The following COBLL1 variants were observed in gnomAD, a reference collection of about 807,000 sequenced individuals.
The protein encoded by COBLL1 is cordon-bleu WH2 repeat protein like 1.
A neutral mutation model predicts 94.8 loss-of-function variants in COBLL1; 50 were observed. That is an observed-to-expected ratio of 0.53 (90% CI 0.42 to 0.67). COBLL1 has a LOEUF of 0.67. Among genes scored for constraint, COBLL1 ranks in the 30% least tolerant of loss-of-function variants. The pLI is 0.00. For missense variants in COBLL1, 1,362 were observed against 1,348.7 expected, an observed-to-expected ratio of 1.01 and a Z score of -0.15; for synonymous variants, 448 against 473.8, an observed-to-expected ratio of 0.95 and a Z score of 0.71.
At chr2:164,707,246 TTCTCA>T (rs910613578) in intron 7 of COBLL1, among the ~76,000 whole-genome samples, 9 of 152,154 alleles carry the variant, frequency 5.9e-5, no homozygotes, top group African/African-American at 2.2e-4. Flanking sequence ...GTTCAAGTGA[TTCTCA>T]TGCCTCAGCC....
chr2:164,799,297 G>T (rs1186341579), intron 2 of COBLL1, among the ~76,000 whole-genome samples: 2 of 152,180 alleles, frequency 1.3e-5, no homozygotes, highest in Non-Finnish European at 2.9e-5. Context: ...TGCACAGAGG[G>T]AGTTGCCCTT....
At position 164,684,569 on chromosome 2, in the gene COBLL1, C is replaced by A. The variant is rs1683191115; in HGVS notation, c.*1377G>T. ...GCCATGCCATGTATCAGGAACTATGCTAAACATTTTAAATGCTTAGACCAT... is the reference window on the plus strand; with the variant it reads ...GCCATGCCATGTATCAGGAACTATGATAAACATTTTAAATGCTTAGACCAT... On this transcript the variant is annotated 3_prime_UTR_variant, in exon 14 of 14. Transcript: ENST00000652658. 6.6e-6 allele frequency: 1 copy of A among 152,212 alleles called. No homozygotes were observed. Among genetic ancestry groups the A allele is most frequent in the East Asian group, 1.9e-4 (1 of 5,178 alleles). The allele number at this position is 152,212 out of a possible 1,614,324, so 9.4% of individuals were successfully genotyped here. A position where few individuals can be genotyped will look rare whatever the true frequency, so the allele number is the denominator to read the frequency against.
intron 2 of COBLL1, among the ~76,000 whole-genome samples, chr2:164,823,814 C>T (rs1366696081): frequency 1.3e-5 from 2 of 152,124 alleles, no homozygotes; most frequent in African/African-American, 4.8e-5. Flanking sequence ...TTGGTATCCT[C>T]ACTGCTGCAG....
At chr2:164,833,972 T>C (rs1334325679) in intron 2 of COBLL1, among the ~76,000 whole-genome samples, 1 of 152,204 alleles carries the variant, frequency 6.6e-6, no homozygotes, top group African/African-American at 2.4e-5. Context: ...ATGAAGTTTG[T>C]ATTCAAAACT....
chr2:164,692,011 C>T (rs1683626173), intron 13 of COBLL1, among the ~76,000 whole-genome samples: 1 of 152,096 alleles, frequency 6.6e-6, no homozygotes, highest in Admixed American at 6.6e-5. Flanking sequence ...TCATGTTCTG[C>T]AACTGGCCCA....
At chr2:164,736,346 C>T (rs113247990) in intron 3 of COBLL1, among the ~76,000 whole-genome samples, 28 of 152,058 alleles carry the variant, frequency 1.8e-4, no homozygotes, top group Admixed American at 5.9e-4. Context: ...ACCAGGTACA[C>T]GAAACAAATA....
At chr2:164,819,637 A>C (rs1685058761) in intron 2 of COBLL1, among the ~76,000 whole-genome samples, 1 of 152,174 alleles carries the variant, frequency 6.6e-6, no homozygotes, top group Non-Finnish European at 1.5e-5. Flanking sequence ...AGGGAAAGAA[A>C]CAATTGTTCA....
chr2:164,812,983 T>C (rs1010487954), intron 2 of COBLL1, among the ~76,000 whole-genome samples: 1 of 152,088 alleles, frequency 6.6e-6, no homozygotes, highest in East Asian at 1.9e-4. Flanking sequence ...CATTGATTCT[T>C]TTAAATAACA....
chr2:164,791,491 C>T (rs1159323064), intron 2 of COBLL1, among the ~76,000 whole-genome samples: 2 of 152,088 alleles, frequency 1.3e-5, no homozygotes, highest in African/African-American at 4.8e-5. Flanking sequence ...GACAGACAGA[C>T]AGACAGATAT....
chr2:164,711,554 A>G (rs1020871646), intron 7 of COBLL1, among the ~76,000 whole-genome samples: 5 of 152,232 alleles, frequency 3.3e-5, no homozygotes, highest in Non-Finnish European at 7.3e-5. Flanking sequence ...TCTCTTCAAC[A>G]TACTTTAAAG....
chr2:164,748,467 A>G (rs1478328761), intron 2 of COBLL1, among the ~76,000 whole-genome samples: 1 of 152,192 alleles, frequency 6.6e-6, no homozygotes, highest in East Asian at 1.9e-4. Context: ...TGATAATATA[A>G]ACTAAAGAGA....
intron 2 of COBLL1, chr2:164,779,563 C>G (rs1688638288): frequency 4.6e-6 from 2 of 432,696 alleles, no homozygotes; most frequent in Admixed American, 5.1e-5. Flanking sequence ...CCTGCCCTGC[C>G]CCACCCATGC....
chr2:164,827,620 A>C (rs778251348), intron 2 of COBLL1, among the ~76,000 whole-genome samples: 27 of 152,188 alleles, frequency 1.8e-4, no homozygotes, highest in Non-Finnish European at 2.9e-4. Context: ...AATGTCCTCT[A>C]CCAAGTGAAG....
At chr2:164,774,446 T>C (rs1290964016) in intron 2 of COBLL1, among the ~76,000 whole-genome samples, 1 of 152,206 alleles carries the variant, frequency 6.6e-6, no homozygotes, top group Non-Finnish European at 1.5e-5. Context: ...AGTCCTTTTC[T>C]AAATCAAAGT....
chr2:164,782,768 C>T (rs1398239235), intron 2 of COBLL1, among the ~76,000 whole-genome samples: 1 of 152,122 alleles, frequency 6.6e-6, no homozygotes, highest in Non-Finnish European at 1.5e-5. Context: ...AAGATTTATA[C>T]TTCATAATAG....
intron 12 of COBLL1, among the ~76,000 whole-genome samples, 182 bp downstream of exon 12, chr2:164,694,087 A>T (rs1174171014): frequency 5.3e-5 from 8 of 152,204 alleles, no homozygotes. Context: ...CAAGTTATAT[A>T]AGTTATAATT....
intron 2 of COBLL1, among the ~76,000 whole-genome samples, chr2:164,772,703 C>T (rs1176081398): frequency 1.3e-5 from 2 of 151,992 alleles, no homozygotes; most frequent in African/African-American, 2.4e-5. Context: ...TTTAGCTATC[C>T]ACAGATATTC....
chr2:164,696,024 GA>G, intron 11 of COBLL1, 188 bp from the exon 12 acceptor site: 1 of 509,844 alleles, frequency 2.0e-6, no homozygotes, highest in Non-Finnish European at 3.4e-6. Context: ...CATACAGACT[GA>G]AGTTTGGAAT....
chr2:164,767,156 G>A (rs566666815), intron 2 of COBLL1, among the ~76,000 whole-genome samples: 1 of 152,244 alleles, frequency 6.6e-6, no homozygotes, highest in South Asian at 2.1e-4. Flanking sequence ...TCCAAGTGTC[G>A]CTTATGCAAC....
Sources: allele counts gnomAD v4.1 joint callset (sites outside exome capture counted in the v4.1 genomes callset), GRCh38; gene constraint gnomAD v4.1.1; transcripts MANE v1.5; gene names NCBI Gene and HGNC (gene_info 2026-07-23, HGNC 2026-07-21).